The following PSTPIP2 variants were observed in gnomAD, a reference collection of about 807,000 sequenced individuals.
PSTPIP2 encodes the protein proline-serine-threonine phosphatase interacting protein 2, also known as proline-serine-threonine phosphatase-interacting protein 2.
Under a neutral mutation model 63.3 loss-of-function variants are expected in PSTPIP2, and 33 were observed. The observed-to-expected ratio is 0.52, with a 90% CI of 0.40 to 0.70. The LOEUF (loss-of-function observed/expected upper bound fraction) is 0.70, where lower values mean the gene tolerates loss of function less well. Among genes scored for constraint, PSTPIP2 ranks in the 30% least tolerant of loss-of-function variants. PSTPIP2 has a pLI of 0.00. For missense variants in PSTPIP2, 312 were observed against 400.7 expected, an observed-to-expected ratio of 0.78 and a Z score of 1.89; for synonymous variants, 125 against 132.7, an observed-to-expected ratio of 0.94 and a Z score of 0.40.
Position 45,999,539 on chromosome 18 carries a change from G to T in PSTPIP2, c.418-5C>A. On this transcript the variant is annotated splice_polypyrimidine_tract_variant and splice_region_variant and intron_variant, in intron 6 of 14. Transcript: ENST00000409746. ...CTGCTCATAGTTCTTCTTTGCCTTT[G>T]TCATTATGAACAAAGAGAACCAAAA... 1 of 1,613,976 alleles carries T rather than the reference G, an allele frequency of 6.2e-7. No homozygotes were observed. The highest frequency in any genetic ancestry group is 8.5e-7 in the Non-Finnish European group (1 of 1,179,938).
At chr18:46,024,073 T>C (rs539661542) in intron 3 of PSTPIP2, among the ~76,000 whole-genome samples, 1 of 152,180 alleles carries the variant, frequency 6.6e-6, no homozygotes, top group South Asian at 2.1e-4. Flanking sequence ...TATAATTTTT[T>C]TCAGGCCAAG....
intron 3 of PSTPIP2, among the ~76,000 whole-genome samples, chr18:46,016,486 T>A (rs2051853440): frequency 6.6e-6 from 1 of 152,260 alleles, no homozygotes; most frequent in Non-Finnish European, 1.5e-5. Flanking sequence ...AATAATCATA[T>A]ATTTATTGAC....
At chr18:46,053,784 T>C (rs1195537638) in intron 1 of PSTPIP2, among the ~76,000 whole-genome samples, 3 of 152,110 alleles carry the variant, frequency 2.0e-5, no homozygotes, top group African/African-American at 7.2e-5. Context: ...TAATCAATGA[T>C]AAGAAGAAAT....
intron 1 of PSTPIP2, among the ~76,000 whole-genome samples, chr18:46,068,149 A>G (rs1909262091): frequency 6.6e-6 from 1 of 152,180 alleles, no homozygotes; most frequent in Non-Finnish European, 1.5e-5. Context: ...AATAAAAAAT[A>G]CAGTGTAAAC....
At chr18:45,991,192 C>T (rs932270924) in intron 12 of PSTPIP2, among the ~76,000 whole-genome samples, 23 of 152,162 alleles carry the variant, frequency 1.5e-4, no homozygotes, top group Admixed American at 1.4e-3. Context: ...TCATGCAATC[C>T]TTCCCAGGCA....
chr18:46,005,369 AT>A (rs1349976451), intron 6 of PSTPIP2, 99 bp downstream of exon 6: 5 of 1,033,728 alleles, frequency 4.8e-6, no homozygotes, highest in Non-Finnish European at 7.0e-6. Context: ...AAATAATAAC[AT>A]TTTTGAAATG....
At chr18:46,040,789 G>C (rs916377208) in intron 1 of PSTPIP2, among the ~76,000 whole-genome samples, 1 of 152,126 alleles carries the variant, frequency 6.6e-6, no homozygotes, top group African/African-American at 2.4e-5. Context: ...TGAGACTGAA[G>C]GGCCACAAAA....
chr18:46,037,640 C>A (rs115732116), intron 2 of PSTPIP2, among the ~76,000 whole-genome samples: 14 of 152,320 alleles, frequency 9.2e-5, no homozygotes, highest in African/African-American at 3.4e-4. Context: ...TACCCTTGAA[C>A]AAGACACATT....
At chr18:46,049,027 TGTGTG>T (rs1908485893) in intron 1 of PSTPIP2, among the ~76,000 whole-genome samples, 2 of 148,572 alleles carry the variant, frequency 1.3e-5, no homozygotes, top group African/African-American at 5.0e-5. Flanking sequence ...TGTGTGTGTG[TGTGTG>T]TGTGTGTGTG....
intron 1 of PSTPIP2, chr18:46,041,050 T>C: frequency 2.2e-6 from 1 of 458,398 alleles, no homozygotes; most frequent in South Asian, 1.5e-5. Flanking sequence ...TTGACCCTGA[T>C]AGCTCTTCCT....
chr18:46,065,654 A>G (rs145126098), intron 1 of PSTPIP2, among the ~76,000 whole-genome samples: 2,040 of 152,260 alleles, frequency 0.013, 48 homozygotes, highest in African/African-American at 0.045. Context: ...TTTAGTAGAG[A>G]CAGGGTTTCA....
At chr18:45,992,414 T>G (rs2051545780) in intron 10 of PSTPIP2, among the ~76,000 whole-genome samples, 1 of 151,750 alleles carries the variant, frequency 6.6e-6, no homozygotes, top group Non-Finnish European at 1.5e-5. Context: ...TACAAAAAAT[T>G]AGCCAGGCAT....
intron 9 of PSTPIP2, among the ~76,000 whole-genome samples, chr18:45,995,197 C>T (rs1172306461): frequency 6.6e-6 from 1 of 152,126 alleles, no homozygotes; most frequent in African/African-American, 2.4e-5. Context: ...TCACTGCAGC[C>T]TCAAACTCGT....
intron 12 of PSTPIP2, among the ~76,000 whole-genome samples, chr18:45,991,059 A>T (rs1445338596): frequency 6.6e-6 from 1 of 152,206 alleles, no homozygotes; most frequent in Non-Finnish European, 1.5e-5. Context: ...TGCCTTGAAC[A>T]TCCGCATCCT....
intron 2 of PSTPIP2, among the ~76,000 whole-genome samples, chr18:46,033,511 A>G (rs1263600040): frequency 6.6e-6 from 1 of 152,144 alleles, no homozygotes; most frequent in Non-Finnish European, 1.5e-5. Context: ...CAGCCTGGTC[A>G]ACATGGTGAA....
chr18:46,054,722 G>A (rs1286899376), intron 1 of PSTPIP2, among the ~76,000 whole-genome samples: 3 of 149,080 alleles, frequency 2.0e-5, no homozygotes, highest in Admixed American at 6.8e-5. Context: ...GTGCAGTGGC[G>A]CGATCTTGGC....
chr18:46,021,240 G>A (rs570437457), intron 3 of PSTPIP2, among the ~76,000 whole-genome samples: 85 of 152,086 alleles, frequency 5.6e-4, no homozygotes, highest in African/African-American at 1.9e-3. Flanking sequence ...AAAACAAACC[G>A]AAACAAATAA....
intron 1 of PSTPIP2, among the ~76,000 whole-genome samples, chr18:46,057,525 T>C (rs541172536): frequency 1.4e-3 from 218 of 151,892 alleles, no homozygotes; most frequent in African/African-American, 5.2e-3. Flanking sequence ...AGATGGGATT[T>C]CACCACGTTG....
chr18:45,985,780 AT>A (rs532775826), intron 14 of PSTPIP2, among the ~76,000 whole-genome samples: 118 of 147,410 alleles, frequency 8.0e-4, no homozygotes, highest in Middle Eastern at 3.5e-3. Flanking sequence ...TCTTGTTTAA[AT>A]TTTTTTTTTT....
Sources: allele counts gnomAD v4.1 joint callset (sites outside exome capture counted in the v4.1 genomes callset), GRCh38; gene constraint gnomAD v4.1.1; transcripts MANE v1.5; gene names NCBI Gene and HGNC (gene_info 2026-07-23, HGNC 2026-07-21).